GLRA2: variants seen among roughly 807,000 people sequenced by gnomAD.
GLRA2 encodes the protein glycine receptor subunit alpha-2.
In GLRA2, 11 loss-of-function variants were observed where a neutral mutation model predicts 31.6. The observed-to-expected ratio is 0.35, with a 90% CI of 0.22 to 0.58. The LOEUF (loss-of-function observed/expected upper bound fraction) is 0.58, where lower values mean the gene tolerates loss of function less well. Among genes scored for constraint, GLRA2 ranks in the 20% least tolerant of loss-of-function variants. GLRA2 has a pLI of 0.84. For synonymous variants in GLRA2, 132 were observed against 134.0 expected (o/e 0.99, Z 0.10); for missense variants, 212 against 351.8 (o/e 0.60, Z 3.18).
At chrX:14,464,616 G>T in the GLRA2 span, among the ~76,000 whole-genome samples, 1 of 111,857 alleles carries the variant, frequency 8.9e-6, no homozygotes, top group East Asian at 2.8e-4. Context: ...GAGTGCAGTG[G>T]TGCGATCTCG....
At chrX:14,542,654 T>C (rs768277715) in intron 2 of GLRA2, among the ~76,000 whole-genome samples, 1 of 110,972 alleles carries the variant, frequency 9.0e-6, no homozygotes, top group Non-Finnish European at 1.9e-5. Flanking sequence ...CTGTGGCAGT[T>C]AGAACATAGT....
intron 8 of GLRA2, among the ~76,000 whole-genome samples, chrX:14,719,623 G>A (rs1569526821): frequency 8.9e-6 from 1 of 111,844 alleles, no homozygotes. Context: ...CATTAATACA[G>A]CCATTATGGA....
chrX:14,682,794 T>C (rs1223676249), intron 7 of GLRA2, among the ~76,000 whole-genome samples: 8 of 106,626 alleles, frequency 7.5e-5, no homozygotes, highest in Non-Finnish European at 1.5e-4. Flanking sequence ...AGTGAGAATA[T>C]GCGGTGTTTG....
chrX:14,610,749 ACATTTAGCCTCCAACTGCT>A (rs1481607233), intron 7 of GLRA2, among the ~76,000 whole-genome samples: 1 of 112,302 alleles, frequency 8.9e-6, no homozygotes, highest in African/African-American at 3.2e-5. Context: ...AAAATATAAG[ACATTTAGCCTCCAACTGCT>A]CATTGCTGTG....
intron 7 of GLRA2, among the ~76,000 whole-genome samples, chrX:14,618,377 GTGTT>G (rs770094606): frequency 8.9e-6 from 1 of 111,809 alleles, no homozygotes; most frequent in East Asian, 2.8e-4. Flanking sequence ...ACAGAATTAT[GTGTT>G]TGTATACATG....
At chrX:14,567,201 A>G (rs1202618583) in intron 2 of GLRA2, among the ~76,000 whole-genome samples, 1 of 111,769 alleles carries the variant, frequency 8.9e-6, no homozygotes, top group Non-Finnish European at 1.9e-5. Flanking sequence ...ATCCTTGACA[A>G]AATATTAGCA....
intron 2 of GLRA2, among the ~76,000 whole-genome samples, chrX:14,567,351 G>A (rs1431795125): frequency 9.0e-6 from 1 of 111,729 alleles, no homozygotes; most frequent in East Asian, 2.8e-4. Flanking sequence ...AAAAACACAC[G>A]ATCACCTCAA....
chrX:14,689,296 C>T (rs779198370), intron 7 of GLRA2, among the ~76,000 whole-genome samples: 57 of 112,500 alleles, frequency 5.1e-4, no homozygotes, highest in African/African-American at 1.8e-3. Context: ...GCAAAACTTA[C>T]AGTCATAAAA....
chrX:14,497,078 A>G, the GLRA2 span, among the ~76,000 whole-genome samples: 1 of 112,253 alleles, frequency 8.9e-6, no homozygotes, highest in African/African-American at 3.2e-5. Context: ...TGCGTCTGAT[A>G]TTTGGGTTAA....
At chrX:14,471,847 G>C in the GLRA2 span, among the ~76,000 whole-genome samples, 2 of 112,193 alleles carry the variant, frequency 1.8e-5, no homozygotes, top group Admixed American at 1.9e-4. Context: ...AGGTAACTGG[G>C]TTTTATACAT....
chrX:14,668,952 C>T (rs770657642), intron 7 of GLRA2, among the ~76,000 whole-genome samples: 40 of 112,033 alleles, frequency 3.6e-4, no homozygotes, highest in African/African-American at 1.2e-3. Context: ...AGTCCACAGT[C>T]CAAAGTCTCA....
chrX:14,494,363 C>G, the GLRA2 span, among the ~76,000 whole-genome samples: 1 of 111,942 alleles, frequency 8.9e-6, no homozygotes, highest in Admixed American at 9.5e-5. Flanking sequence ...ATTTTTCTAA[C>G]AAGAGTTTCC....
chrX:14,682,680 C>T (rs1182212642), intron 7 of GLRA2, among the ~76,000 whole-genome samples: 2 of 109,202 alleles, frequency 1.8e-5, no homozygotes, highest in African/African-American at 6.7e-5. Flanking sequence ...ACGTATATCT[C>T]CTAATGCTTT....
intron 8 of GLRA2, among the ~76,000 whole-genome samples, chrX:14,704,405 C>T (rs2091590938): frequency 8.9e-6 from 1 of 112,096 alleles, no homozygotes; most frequent in South Asian, 3.7e-4. Context: ...GTTTAAGATT[C>T]TTGATGGCAA....
chrX:14,564,121 G>C (rs1253973095), intron 2 of GLRA2, among the ~76,000 whole-genome samples: 1 of 98,076 alleles, frequency 1.0e-5, no homozygotes, highest in Non-Finnish European at 2.1e-5. Context: ...TAAGTTCCAA[G>C]TAGGGTAAAC....
At chrX:14,591,367 G>A (rs1444343475) in intron 4 of GLRA2, among the ~76,000 whole-genome samples, 1 of 111,759 alleles carries the variant, frequency 8.9e-6, no homozygotes, top group Non-Finnish European at 1.9e-5. Context: ...GAAGCCGACA[G>A]TGCAGCCTTT....
chrX:14,514,836 A>G, the GLRA2 span, among the ~76,000 whole-genome samples: 1 of 110,871 alleles, frequency 9.0e-6, no homozygotes, highest in Middle Eastern at 4.2e-3. Context: ...GTCATAGTAT[A>G]GTTTTAATCA....
chrX:14,717,802 C>T (rs192028175), intron 8 of GLRA2, among the ~76,000 whole-genome samples: 4 of 107,854 alleles, frequency 3.7e-5, no homozygotes, highest in South Asian at 4.0e-4. Context: ...TTTTTGAGCA[C>T]GCATTAGATT....
chrX:14,690,576 AATC>A (rs1314337184), intron 7 of GLRA2, 131 bp from the exon 8 acceptor site: 3 of 456,966 alleles, frequency 6.6e-6, no homozygotes, highest in Non-Finnish European at 7.5e-6. Flanking sequence ...AACGCTGGAA[AATC>A]ATTGACCAAG....
Sources: allele counts gnomAD v4.1 joint callset (sites outside exome capture counted in the v4.1 genomes callset), GRCh38; gene constraint gnomAD v4.1.1; transcripts MANE v1.5; gene names NCBI Gene and HGNC (gene_info 2026-07-23, HGNC 2026-07-21).